ZNF385B: variants seen among roughly 807,000 people sequenced by gnomAD.
ZNF385B encodes the protein zinc finger protein 385B, also known as zinc finger protein 533.
In ZNF385B, 23 loss-of-function variants were observed where a neutral mutation model predicts 39.2. The ratio of observed to expected loss-of-function variants is 0.59; its 90% CI spans 0.42 to 0.83. ZNF385B has a LOEUF of 0.83. ZNF385B is among the 40% of genes least tolerant of loss of function. The pLI is 0.00. For synonymous variants in ZNF385B, 205 were observed against 222.6 expected, an observed-to-expected ratio of 0.92 and a Z score of 0.70; for missense variants, 552 against 598.9, an observed-to-expected ratio of 0.92 and a Z score of 0.82.
chr2:179,724,318 A>G (rs893020371), intron 3 of ZNF385B, among the ~76,000 whole-genome samples: 1 of 152,140 alleles, frequency 6.6e-6, no homozygotes, highest in Non-Finnish European at 1.5e-5. Context: ...CAGTAAAATA[A>G]TAATAATAAA....
chr2:179,597,162 C>G (rs1688064518), intron 3 of ZNF385B, among the ~76,000 whole-genome samples: 1 of 152,208 alleles, frequency 6.6e-6, no homozygotes, highest in Admixed American at 6.5e-5. Flanking sequence ...CTAAATTGTT[C>G]CAGCCTCTAT....
At chr2:179,826,362 T>C (rs1451051811) in intron 1 of ZNF385B, among the ~76,000 whole-genome samples, 1 of 152,030 alleles carries the variant, frequency 6.6e-6, no homozygotes, top group African/African-American at 2.4e-5. Flanking sequence ...CCCTCACGGG[T>C]TTTCTTCAGG....
At chr2:179,805,626 C>T (rs973515486) in intron 1 of ZNF385B, among the ~76,000 whole-genome samples, 14 of 152,166 alleles carry the variant, frequency 9.2e-5, no homozygotes, top group Non-Finnish European at 2.1e-4. Context: ...TTGCCTGTGC[C>T]TCTTAGTTTC....
intron 3 of ZNF385B, among the ~76,000 whole-genome samples, chr2:179,701,025 CAA>C (rs1439506621): frequency 1.3e-5 from 2 of 151,988 alleles, no homozygotes; most frequent in Non-Finnish European, 2.9e-5. Flanking sequence ...AAAAACAAAA[CAA>C]AAACAAAAAC....
intron 1 of ZNF385B, among the ~76,000 whole-genome samples, chr2:179,800,116 A>AT (rs1252858393): frequency 7.9e-5 from 12 of 152,122 alleles, no homozygotes; most frequent in African/African-American, 2.9e-4. Flanking sequence ...ACATCTTCAG[A>AT]TAAAAACCCA....
At chr2:179,577,208 C>T (rs549699705) in intron 3 of ZNF385B, among the ~76,000 whole-genome samples, 7 of 151,828 alleles carry the variant, frequency 4.6e-5, no homozygotes, top group Non-Finnish European at 8.8e-5. Context: ...CCACCCAGGC[C>T]CAGGTGGACT....
At chr2:179,485,661 T>C (rs1469986575) in intron 5 of ZNF385B, among the ~76,000 whole-genome samples, 2 of 152,206 alleles carry the variant, frequency 1.3e-5, no homozygotes, top group Non-Finnish European at 2.9e-5. Context: ...GAGTTAAACA[T>C]CATATCTATA....
intron 4 of ZNF385B, among the ~76,000 whole-genome samples, chr2:179,541,904 T>C (rs2059940831): frequency 6.6e-6 from 1 of 152,212 alleles, no homozygotes; most frequent in Non-Finnish European, 1.5e-5. Flanking sequence ...AGCCCGAATA[T>C]GAATTTTGAA....
intron 3 of ZNF385B, among the ~76,000 whole-genome samples, chr2:179,619,385 T>A (rs1305197792): frequency 6.6e-6 from 1 of 152,222 alleles, no homozygotes; most frequent in African/African-American, 2.4e-5. Context: ...CCTTCTTTAC[T>A]GAGTCTTTTT....
chr2:179,579,081 C>T (rs2106025762), intron 3 of ZNF385B, among the ~76,000 whole-genome samples: 1 of 152,164 alleles, frequency 6.6e-6, no homozygotes, highest in South Asian at 2.1e-4. Flanking sequence ...GAGCACCTTC[C>T]AGTCATTATG....
chr2:179,699,117 A>AT (rs1698982644), intron 3 of ZNF385B, among the ~76,000 whole-genome samples: 3 of 150,470 alleles, frequency 2.0e-5, no homozygotes, highest in Non-Finnish European at 3.0e-5. Context: ...TTTGTGTTAA[A>AT]ATATATATAT....
intron 4 of ZNF385B, chr2:179,536,221 T>A (rs1243969349): frequency 1.3e-5 from 2 of 152,198 alleles, no homozygotes; most frequent in South Asian, 2.1e-4. Flanking sequence ...TTCTTTTTTT[T>A]AATTATCTGT....
At chr2:179,603,604 T>G (rs1289638766) in intron 3 of ZNF385B, among the ~76,000 whole-genome samples, 7 of 151,776 alleles carry the variant, frequency 4.6e-5, no homozygotes, top group African/African-American at 1.5e-4. Context: ...CTTTATAGTA[T>G]TCAGAGTGCT....
At chr2:179,785,978 T>C (rs1182584763) in intron 1 of ZNF385B, among the ~76,000 whole-genome samples, 2 of 152,152 alleles carry the variant, frequency 1.3e-5, no homozygotes, top group African/African-American at 2.4e-5. Context: ...TACATCGATG[T>C]AGCAAATTTC....
intron 3 of ZNF385B, among the ~76,000 whole-genome samples, chr2:179,650,312 AAGGAAATAAATTCTAATTTACATTT>A (rs1693088656): frequency 6.6e-6 from 1 of 152,222 alleles, no homozygotes; most frequent in Admixed American, 6.5e-5. Context: ...AGTAGGAGAA[AAGGAAATAAATTCTAATTTACATTT>A]AGTTCCATTA....
intron 7 of ZNF385B, 80 bp downstream of exon 7, chr2:179,446,445 C>A (rs1174187006): frequency 3.9e-6 from 6 of 1,524,314 alleles, no homozygotes; most frequent in Non-Finnish European, 5.3e-6. Context: ...AAGGTCTGAA[C>A]AACAAAAGAT....
chr2:179,540,817 T>G (rs1383188073), intron 4 of ZNF385B, among the ~76,000 whole-genome samples: 1 of 152,130 alleles, frequency 6.6e-6, no homozygotes, highest in Non-Finnish European at 1.5e-5. Context: ...GGGGCTACTT[T>G]GGAAACACAA....
Position 179,517,108 on chromosome 2 carries a change from C to T in ZNF385B, c.552+1420G>A, listed in dbSNP as rs562947388. On this transcript the variant is annotated intron_variant, in intron 5 of 9. Coordinates refer to ENST00000410066, the MANE Select transcript of ZNF385B (RefSeq NM_152520.6). ...TCTGTTCCATTGATCCATGTGTCTA[C>T]CATTCTTTCACCAGTTTCACAGTCT... is the stretch of plus-strand genomic sequence containing the variant. Among the ~76,000 whole-genome samples, 6 of 151,918 alleles carry T rather than the reference C, an allele frequency of 3.9e-5. No individual in the cohort carries two copies. The East Asian group carries it at 9.6e-4, about 24-fold the overall frequency.
chr2:179,535,375 A>C (rs1364467131), intron 4 of ZNF385B, among the ~76,000 whole-genome samples: 1 of 152,222 alleles, frequency 6.6e-6, no homozygotes, highest in African/African-American at 2.4e-5. Flanking sequence ...GCACATGAAT[A>C]ACCTGAGAGA....
Sources: gnomAD v4.1 joint callset for allele counts (sites outside exome capture counted in the v4.1 genomes callset) on GRCh38, gnomAD v4.1.1 for gene constraint, MANE v1.5 for transcripts, NCBI Gene and HGNC (gene_info 2026-07-23, HGNC 2026-07-21) for gene names.